SGCZ: variants seen among roughly 807,000 people sequenced by gnomAD.
The protein encoded by SGCZ is zeta-sarcoglycan.
Under a neutral mutation model 41.3 loss-of-function variants are expected in SGCZ, and 40 were observed. The observed-to-expected ratio is 0.97, with a 90% confidence interval of 0.75 to 1.26. The LOEUF (loss-of-function observed/expected upper bound fraction) is 1.26, where lower values mean the gene tolerates loss of function less well. Ranked by LOEUF, SGCZ falls within the 50% of genes most tolerant of loss-of-function variation. SGCZ has a pLI of 0.00. For synonymous variants in SGCZ, 206 were observed against 137.5 expected, an observed-to-expected ratio of 1.50 and a Z score of -3.49; for missense variants, 552 against 369.8, an observed-to-expected ratio of 1.49 and a Z score of -4.04.
At chr8:14,112,942 C>T (rs942287925) in intron 5 of SGCZ, among the ~76,000 whole-genome samples, 2 of 152,014 alleles carry the variant, frequency 1.3e-5, no homozygotes, top group African/African-American at 4.8e-5. Flanking sequence ...TATTAATTGG[C>T]ATTTATTGTA....
intron 5 of SGCZ, among the ~76,000 whole-genome samples, chr8:14,123,534 T>G (rs184200110): frequency 2.6e-5 from 4 of 152,192 alleles, no homozygotes; most frequent in Non-Finnish European, 4.4e-5. Context: ...CACATGAGAT[T>G]AATAGTTCAC....
chr8:14,967,601 T>C (rs753471436), intron 1 of SGCZ, among the ~76,000 whole-genome samples: 1 of 152,184 alleles, frequency 6.6e-6, no homozygotes, highest in African/African-American at 2.4e-5. Context: ...CTGAACTCAC[T>C]GTACTTTTCC....
chr8:14,548,380 T>C (rs1406484221), intron 2 of SGCZ, among the ~76,000 whole-genome samples: 1 of 152,200 alleles, frequency 6.6e-6, no homozygotes, highest in Non-Finnish European at 1.5e-5. Flanking sequence ...CAGGGTCCTG[T>C]TTTATTCCCT....
At chr8:14,138,151 G>C (rs1227713414) in intron 5 of SGCZ, among the ~76,000 whole-genome samples, 3 of 152,124 alleles carry the variant, frequency 2.0e-5, no homozygotes, top group African/African-American at 7.2e-5. Context: ...GTCACCACCA[G>C]GCCTGCCTTA....
At chr8:14,188,794 CTTG>C (rs1342667832) in intron 4 of SGCZ, among the ~76,000 whole-genome samples, 12 of 139,900 alleles carry the variant, frequency 8.6e-5, no homozygotes, top group African/African-American at 2.9e-4. Context: ...TTCCAGATTT[CTTG>C]TTTTTTTTTT....
chr8:14,146,250 G>C (rs548354445), intron 5 of SGCZ, among the ~76,000 whole-genome samples: 38 of 152,314 alleles, frequency 2.5e-4, no homozygotes, highest in Admixed American at 5.9e-4. Flanking sequence ...AACTCTTTCA[G>C]TGGAAACTTA....
At position 14,164,710 on chromosome 8, in the gene SGCZ, C is replaced by T. The variant is rs111482309; in HGVS notation, c.425-8G>A. On this transcript the variant is annotated splice_region_variant and splice_polypyrimidine_tract_variant and intron_variant, in intron 4 of 7. Transcript: ENST00000382080. ...CTTCCACAGCATCAGCTCCTATGGT[C>T]AGAGGAAAGGTTTAAAAATGAAACT... 1.0e-3 allele frequency: 1,607 copies of T among 1,612,512 alleles called. 2 individuals are homozygous for T. Among genetic ancestry groups the T allele is most frequent in the Non-Finnish European group, 1.3e-3 (1,518 of 1,179,352 alleles).
chr8:14,553,506 T>G (rs1803935946), intron 2 of SGCZ, among the ~76,000 whole-genome samples: 1 of 151,694 alleles, frequency 6.6e-6, no homozygotes, highest in Non-Finnish European at 1.5e-5. Context: ...AAATTATAAT[T>G]TATTGGAAAA....
chr8:14,831,692 A>C (rs554397642), intron 1 of SGCZ, among the ~76,000 whole-genome samples: 2 of 151,946 alleles, frequency 1.3e-5, no homozygotes, highest in Non-Finnish European at 2.9e-5. Flanking sequence ...AATTATACTA[A>C]AACATTTTTT....
Position 14,473,903 on chromosome 8 carries a change from A to G in SGCZ, c.234+80829T>C, listed in dbSNP as rs1278280031. 4.7e-5 allele frequency among the ~76,000 whole-genome samples: 7 copies of G among 150,258 alleles called. No homozygotes were observed. The East Asian group carries it at 1.2e-3, about 26-fold the overall frequency. ...CAGTGAGCCAAGATCACACCACTGC[A>G]CTCCAGCCTGGGCGACAGAGCAAGA... On this transcript the variant is annotated intron_variant, in intron 2 of 7. Transcript: ENST00000382080.
chr8:15,200,103 A>G (rs890967105), intron 1 of SGCZ, among the ~76,000 whole-genome samples: 1 of 152,218 alleles, frequency 6.6e-6, no homozygotes, highest in Non-Finnish European at 1.5e-5. Flanking sequence ...ACACTGTAGA[A>G]ATTTGTATCT....
chr8:14,421,478 A>G (rs1244226282), intron 2 of SGCZ, among the ~76,000 whole-genome samples: 2 of 152,162 alleles, frequency 1.3e-5, no homozygotes, highest in Non-Finnish European at 2.9e-5. Context: ...GATCTCCATG[A>G]CAACTCCAAG....
At chr8:15,075,917 T>C (rs1404183912) in intron 1 of SGCZ, among the ~76,000 whole-genome samples, 2 of 151,976 alleles carry the variant, frequency 1.3e-5, no homozygotes, top group African/African-American at 4.8e-5. Flanking sequence ...TACAAATCAT[T>C]TGAAATATCC....
At chr8:14,948,376 C>T (rs896789205) in intron 1 of SGCZ, among the ~76,000 whole-genome samples, 1 of 152,096 alleles carries the variant, frequency 6.6e-6, no homozygotes, top group African/African-American at 2.4e-5. Flanking sequence ...AAAATTCACT[C>T]ATACCACTAA....
chr8:14,392,059 A>G (rs1156594507), intron 2 of SGCZ, among the ~76,000 whole-genome samples: 2 of 152,186 alleles, frequency 1.3e-5, no homozygotes, highest in African/African-American at 4.8e-5. Flanking sequence ...TCCAAACTAT[A>G]GCAAGGGGAG....
intron 1 of SGCZ, among the ~76,000 whole-genome samples, chr8:15,219,613 C>T (rs1801524278): frequency 6.6e-6 from 1 of 152,114 alleles, no homozygotes; most frequent in South Asian, 2.1e-4. Context: ...TATTCAATAG[C>T]AGAAGTGGTC....
intron 2 of SGCZ, among the ~76,000 whole-genome samples, chr8:14,389,417 A>G (rs1804681999): frequency 6.6e-6 from 1 of 151,740 alleles, no homozygotes; most frequent in Admixed American, 6.6e-5. Context: ...GAAAGTAGAC[A>G]TCATGCTGAA....
chr8:14,102,120 A>G (rs1485051933), intron 7 of SGCZ, among the ~76,000 whole-genome samples: 4 of 130,062 alleles, frequency 3.1e-5, no homozygotes, highest in Admixed American at 7.8e-5. Context: ...TTTTTTTTTT[A>G]GTAGAGATGG....
chr8:15,076,149 G>A (rs542273506), intron 1 of SGCZ, among the ~76,000 whole-genome samples: 2 of 152,204 alleles, frequency 1.3e-5, no homozygotes, highest in East Asian at 1.9e-4. Context: ...CAAAATATCT[G>A]AAGATATTGT....
Sources: gnomAD v4.1 joint callset for allele counts (sites outside exome capture counted in the v4.1 genomes callset) on GRCh38, gnomAD v4.1.1 for gene constraint, MANE v1.5 for transcripts, NCBI Gene and HGNC (gene_info 2026-07-23, HGNC 2026-07-21) for gene names.